The following WDR45 variants were observed in gnomAD, a reference collection of about 807,000 sequenced individuals.
The protein encoded by WDR45 is WD repeat domain 45, also known as WD repeat domain phosphoinositide-interacting protein 4.
WDR45 carries 2 observed loss-of-function variants against 27.3 expected under a neutral mutation model. The ratio of observed to expected loss-of-function variants is 0.07; its 90% CI spans 0.03 to 0.23. The LOEUF is 0.23. Among genes scored for constraint, WDR45 ranks in the 10% least tolerant of loss-of-function variants. The probability of loss-of-function intolerance (pLI) is 1.00; values close to 1 mark genes in which losing one functional copy is unlikely to be tolerated. For synonymous variants in WDR45, 99 were observed against 119.2 expected (o/e 0.83, Z 1.11); for missense variants, 175 against 311.9 (o/e 0.56, Z 3.31).
In WDR45 at chrX:49,077,454, A is replaced by G. The variant is rs980121688; in HGVS notation, c.235+189T>C. ...CATGGCACACAGGAGGCACTCAATCAGAATTTTTAAAATGAAAACAAAGCA... is the reference window on the plus strand; with the variant it reads ...CATGGCACACAGGAGGCACTCAATCGGAATTTTTAAAATGAAAACAAAGCA... On this transcript the variant is annotated intron_variant, in intron 4 of 10. Transcript: ENST00000376372. The G allele has an allele frequency of 4.4e-5, 21 of 481,315 alleles. No individual in the cohort carries two copies. The Admixed American group carries it at 6.0e-4, about 14-fold the overall frequency. The allele number at this position is 481,315 out of a possible 1,213,427, so 39.7% of individuals were successfully genotyped here. A position where few individuals can be genotyped will look rare whatever the true frequency, so the allele number is the denominator to read the frequency against.
chrX:49,084,604 C>A (rs1174170086), upstream of WDR45, among the ~76,000 whole-genome samples: 1 of 104,265 alleles, frequency 9.6e-6, no homozygotes, highest in Admixed American at 1.1e-4. Context: ...CCAACTTTGC[C>A]CCCCACAAAA....
intron 2 of WDR45, among the ~76,000 whole-genome samples, chrX:49,097,367 G>A (rs189774772): frequency 0.066 from 6,233 of 94,063 alleles, 230 homozygotes; most frequent in Middle Eastern, 0.12. Flanking sequence ...TCGCTCTGTC[G>A]CCAGGCTGGA....
upstream of WDR45, among the ~76,000 whole-genome samples, chrX:49,082,880 A>ATTT (rs145907950): frequency 1.1e-5 from 1 of 93,769 alleles, no homozygotes. Flanking sequence ...CGCCCAGCTA[A>ATTT]TTTTTTTTTT....
chrX:49,098,125 G>C (rs1400740266), intron 2 of WDR45, among the ~76,000 whole-genome samples: 1 of 111,397 alleles, frequency 9.0e-6, no homozygotes, highest in Non-Finnish European at 1.9e-5. Context: ...CTAATTTTTT[G>C]TAATTTTTGT....
chrX:49,086,313 C>T (rs1358865183), intron 2 of WDR45, among the ~76,000 whole-genome samples: 4 of 110,703 alleles, frequency 3.6e-5, no homozygotes, highest in Non-Finnish European at 3.8e-5. Flanking sequence ...CCACCATGCC[C>T]GGCTAATTTT....
At chrX:49,099,071 C>A (rs183993137) in intron 2 of WDR45, among the ~76,000 whole-genome samples, 1 of 112,092 alleles carries the variant, frequency 8.9e-6, no homozygotes, top group Non-Finnish European at 1.9e-5. Flanking sequence ...TGCCAGTAAT[C>A]GCAGCACTTT....
chrX:49,081,619 G>A (rs144794182), upstream of WDR45, among the ~76,000 whole-genome samples: 483 of 106,527 alleles, frequency 4.5e-3, 4 homozygotes, highest in East Asian at 0.052. Context: ...TTAAACCTAG[G>A]AGGCGGAGGT....
chrX:49,078,223 C>A (rs2065049103), intron 1 of WDR45, 111 bp from the exon 2 acceptor site: 3 of 758,758 alleles, frequency 4.0e-6, no homozygotes, highest in Non-Finnish European at 1.9e-6. Context: ...GGAGTGACTG[C>A]AAAAAAGATA....
At chrX:49,096,789 C>G (rs1557087359) in intron 2 of WDR45, among the ~76,000 whole-genome samples, 1 of 111,579 alleles carries the variant, frequency 9.0e-6, no homozygotes, top group Admixed American at 9.6e-5. Context: ...GAGTTTCGCT[C>G]TGTCGCCAGG....
chrX:49,080,808 TAAAAA>T (rs374071162), upstream of WDR45, among the ~76,000 whole-genome samples: 2 of 81,270 alleles, frequency 2.5e-5, no homozygotes, highest in African/African-American at 4.7e-5. Context: ...TGCTTTGGGT[TAAAAA>T]AAAAAAAAAA....
intron 2 of WDR45, among the ~76,000 whole-genome samples, chrX:49,090,018 G>A (rs782239133): frequency 9.1e-6 from 1 of 110,167 alleles, no homozygotes; most frequent in Non-Finnish European, 1.9e-5. Context: ...GTGGAATAGT[G>A]ACTGGTAATG....
rs1219629028 is a variant in WDR45, at chrX:49,078,378, C to T, written c.-17-266G>A. 1.1e-4 allele frequency among the ~76,000 whole-genome samples: 12 copies of T among 112,069 alleles called. 1 individual carries two copies. The highest frequency in any genetic ancestry group is 3.8e-4 in the Admixed American group (4 of 10,600). On this transcript the variant is annotated intron_variant, in intron 1 of 10. Transcript: ENST00000376372. The stretch of plus-strand genomic sequence containing the variant: ...CTCTAATAAAAATACAAAAGTTAGC[C>T]GGGTGTGGTGGGGGGCACCTATAAT...
intron 2 of WDR45, among the ~76,000 whole-genome samples, chrX:49,097,656 A>G (rs1343546975): frequency 1.4e-5 from 1 of 69,954 alleles, no homozygotes; most frequent in African/African-American, 4.5e-5. Context: ...TATTATTATT[A>G]TTATTATTTT....
rs1557084117 is a variant in WDR45 at position 49,075,871 on chromosome X, G to C, written c.511C>G (p.Leu171Val). The C allele has an allele frequency of 8.3e-7, 1 of 1,210,569 alleles. No individual in the cohort carries two copies. Among genetic ancestry groups the C allele is most frequent in the East Asian group, 3.0e-5 (1 of 33,824 alleles). Residue 171 changes from leucine (L) to valine (V), a missense_variant, in exon 7 of 11, where the codon CTT becomes GTT. Around this residue, in one of 3 missense-constraint regions of WDR45, gnomAD observed 102 missense variants for 165.4 expected, o/e 0.62. Coordinates refer to ENST00000376372, the MANE Select transcript of WDR45 (RefSeq NM_001029896.2). ...TTGTCCACTGGACGGCTCACCACAA[G>C]TTGCAGACTCCCACACTTGTGTCCC... Reference protein sequence around the residue: ...FPGHKCGSLQLVDLASTKPGT... With the variant: ...FPGHKCGSLQVVDLASTKPGT...
chrX:49,075,031 C>A, intron 10 of WDR45, 105 bp downstream of exon 10: 1 of 1,155,075 alleles, frequency 8.7e-7, no homozygotes, highest in Non-Finnish European at 1.2e-6. Flanking sequence ...GTCCCCCTTA[C>A]TGATGATGAA....
At chrX:49,093,856 T>G (rs2065115983) in intron 2 of WDR45, among the ~76,000 whole-genome samples, 2 of 108,366 alleles carry the variant, frequency 1.8e-5, no homozygotes, top group South Asian at 8.2e-4. Context: ...TGTCTTTTTT[T>G]TCTGAGATGG....
intron 2 of WDR45, among the ~76,000 whole-genome samples, chrX:49,092,892 C>T (rs1417394251): frequency 1.4e-4 from 16 of 112,185 alleles, no homozygotes; most frequent in African/African-American, 4.5e-4. Flanking sequence ...TCCTAACTCA[C>T]GCAGGTCTGT....
chrX:49,097,893 G>C (rs1440855038), intron 2 of WDR45, among the ~76,000 whole-genome samples: 1 of 109,297 alleles, frequency 9.1e-6, no homozygotes, highest in Non-Finnish European at 1.9e-5. Context: ...CCTGACCTCA[G>C]GTGATCCACC....
chrX:49,076,602 G>C, intron 5 of WDR45, 43 bp downstream of exon 5: 1 of 1,201,341 alleles, frequency 8.3e-7, no homozygotes. Context: ...CTCACTTACT[G>C]TGGGGACCTC....
Sources: allele counts gnomAD v4.1 joint callset (sites outside exome capture counted in the v4.1 genomes callset), GRCh38; gene constraint gnomAD v4.1.1; regional missense constraint gnomAD v4.1.1; transcripts MANE v1.5; gene names NCBI Gene and HGNC (gene_info 2026-07-23, HGNC 2026-07-21).